Variants in SOS2 observed in about 807,000 individuals in gnomAD.
SOS2 encodes the protein son of sevenless homolog 2.
In SOS2, 65 loss-of-function variants were observed where a neutral mutation model predicts 148.2. The observed-to-expected ratio is 0.44, with a 90% CI of 0.36 to 0.54. The LOEUF (loss-of-function observed/expected upper bound fraction) is 0.54. Ranked by LOEUF, SOS2 falls within the 20% of genes least tolerant of loss-of-function variation. The pLI, the probability that SOS2 is intolerant of heterozygous loss-of-function variation, is 0.00. For synonymous variants in SOS2, 539 were observed against 537.1 expected, an observed-to-expected ratio of 1.00 and a Z score of -0.05; for missense variants, 1,341 against 1,590.2, an observed-to-expected ratio of 0.84 and a Z score of 2.67.
In SOS2 at chr14:50,199,784, A is replaced by G; in HGVS notation, c.417T>C (p.Ala139=). ...AATTACCAGCCAATTTTAAAATATC[A>G]GCTGAGATATACTCTAGTACAGCCA... is the stretch of plus-strand genomic sequence containing the variant. ...YIVAVLEYIS[A]DILKLAGNYV... Residue 139 remains alanine (A), a synonymous_variant, in exon 4 of 23, where the codon GCT becomes GCC. Coordinates refer to ENST00000216373, the MANE Select transcript of SOS2 (RefSeq NM_006939.4). 1.3e-6 allele frequency: 2 copies of G among 1,597,870 alleles called. No homozygotes were observed. The highest frequency in any genetic ancestry group is 1.7e-6 in the Non-Finnish European group (2 of 1,165,794).
At position 50,118,306 on chromosome 14, in the gene SOS2, A is replaced by C. The variant is rs1566814200; in HGVS notation, c.*38T>G. On this transcript the variant is annotated 3_prime_UTR_variant, in exon 23 of 23. Transcript: ENST00000216373. Reference sequence around the variant, plus strand: ...AATAAATTAAAAAAAAAACTTTACAAATACCATTCCAGTGTCAATGACTAC... The same window carrying C: ...AATAAATTAAAAAAAAAACTTTACACATACCATTCCAGTGTCAATGACTAC... 2 of 1,508,872 alleles carry C rather than the reference A, an allele frequency of 1.3e-6. No individual in the cohort carries two copies. The highest frequency in any genetic ancestry group is 1.8e-6 in the Non-Finnish European group (2 of 1,120,176). The allele number at this position is 1,508,872 out of a possible 1,614,324, so 93.5% of individuals were successfully genotyped here. A position where few individuals can be genotyped will look rare whatever the true frequency, so the allele number is the denominator to read the frequency against.
chr14:50,124,455 A>T (rs1219999526), intron 21 of SOS2, among the ~76,000 whole-genome samples: 1 of 152,232 alleles, frequency 6.6e-6, no homozygotes, highest in Non-Finnish European at 1.5e-5. Flanking sequence ...TCTTGTGCTT[A>T]GCAGGGTAAC....
chr14:50,231,271 G>T lies in SOS2; in HGVS notation c.13C>A (p.Pro5Thr). Residue 5 changes from proline (P) to threonine (T), a missense_variant, in exon 1 of 23, where the codon CCG becomes ACG. Pro to Thr is a conservative substitution (Grantham distance 38). This residue lies in a region of SOS2 where 574 missense variants were observed against 711.1 expected (regional missense o/e 0.81). Coordinates refer to ENST00000216373, the MANE Select transcript of SOS2 (RefSeq NM_006939.4). ...TCGCTGAAGAACTCGTAAGGCTGCG[G>T]CGCCTGCTGCATGGCCCCGGCGACA... MQQA[P>T]QPYEFFSEEN... is the part of the protein sequence containing the mutation. 1 of 1,472,214 alleles carries T rather than the reference G, an allele frequency of 6.8e-7. No individual in the cohort carries two copies. Among genetic ancestry groups the T allele is most frequent in the Non-Finnish European group, 9.1e-7 (1 of 1,097,222 alleles). The allele number at this position is 1,472,214 out of a possible 1,614,324, so 91.2% of individuals were successfully genotyped here.
At chr14:50,182,653 G>A in intron 5 of SOS2, 47 bp from the exon 6 acceptor site, 2 of 1,504,096 alleles carry the variant, frequency 1.3e-6, no homozygotes, top group South Asian at 1.1e-5. Context: ...TGAGAATTCT[G>A]CTAAAAAATT....
chr14:50,182,345 T>C (rs1459041577), intron 6 of SOS2, 118 bp downstream of exon 6: 2 of 887,314 alleles, frequency 2.3e-6, no homozygotes, highest in Non-Finnish European at 3.5e-6. Flanking sequence ...CATGCCTGGA[T>C]AATTATTTTA....
At chr14:50,209,290 T>TGTGTGC (rs1264247364) in intron 1 of SOS2, among the ~76,000 whole-genome samples, 1 of 148,640 alleles carries the variant, frequency 6.7e-6, no homozygotes, top group African/African-American at 2.5e-5. Flanking sequence ...TGTGTGTGTG[T>TGTGTGC]GTGTGTGTGT....
At chr14:50,145,395 A>G in intron 15 of SOS2, 63 bp from the exon 16 acceptor site, 1 of 1,562,626 alleles carries the variant, frequency 6.4e-7, no homozygotes, top group Non-Finnish European at 8.6e-7. Context: ...AAACAAGATA[A>G]TTATGAGTAG....
Position 50,160,426 on chromosome 14 carries a change from C to T in SOS2, c.1197-340G>A, listed in dbSNP as rs1419961445. On this transcript the variant is annotated intron_variant, in intron 9 of 22. Coordinates refer to ENST00000216373, the MANE Select transcript of SOS2 (RefSeq NM_006939.4). ...TTTTTTTTTTTTTGGAGCTCTTGTC[C>T]CCCAGGCTGGAATGCAATGGCACGA... Among the ~76,000 whole-genome samples, 58 of 112,312 alleles carry T rather than the reference C, an allele frequency of 5.2e-4. 2 individuals are homozygous for T. The highest frequency in any genetic ancestry group is 2.0e-3 in the African/African-American group (57 of 28,552). 73.7% of individuals were successfully genotyped at this position (112,312 alleles called of 152,430 possible). A position where few individuals can be genotyped will look rare whatever the true frequency, so the allele number is the denominator to read the frequency against.
At chr14:50,198,784 G>C (rs952366806) in intron 4 of SOS2, among the ~76,000 whole-genome samples, 1 of 152,126 alleles carries the variant, frequency 6.6e-6, no homozygotes, top group African/African-American at 2.4e-5. Context: ...TAATCATATT[G>C]TTCTGTAATT....
chr14:50,215,725 T>C (rs913829812), intron 1 of SOS2, among the ~76,000 whole-genome samples: 4 of 151,154 alleles, frequency 2.6e-5, no homozygotes, highest in Non-Finnish European at 4.4e-5. Context: ...TAAAGTATAA[T>C]AAAAAAAAAC....
At chr14:50,153,314 A>T (rs1884719353) in intron 12 of SOS2, 141 bp from the exon 13 acceptor site, 1 of 472,692 alleles carries the variant, frequency 2.1e-6, no homozygotes, top group Non-Finnish European at 3.9e-6. Context: ...TTTAATTAAT[A>T]CTTTAAATGC....
chr14:50,167,956 TA>T, intron 8 of SOS2, among the ~76,000 whole-genome samples: 1 of 151,948 alleles, frequency 6.6e-6, no homozygotes, highest in Non-Finnish European at 1.5e-5. Context: ...AAGTAAAAGG[TA>T]AAAAAATATT....
rs7147778 is a variant in SOS2, at chr14:50,138,440, C to T, written c.2958+172G>A. Among the ~76,000 whole-genome samples the T allele has an allele frequency of 0.86, 130,788 of 152,140 alleles. 56,339 individuals are homozygous for T. The highest frequency in any genetic ancestry group is 0.92 in the East Asian group (4,748 of 5,176). On this transcript the variant is annotated intron_variant, in intron 18 of 22. Transcript: ENST00000216373. ...CCTCCCAAAGTGCTGGGATTACAGG[C>T]GTGAGCCACAGTGCCTGGCCTCTTA...
chr14:50,146,750 A>C (rs2139582584), intron 14 of SOS2, among the ~76,000 whole-genome samples: 1 of 152,356 alleles, frequency 6.6e-6, no homozygotes, highest in East Asian at 1.9e-4. Context: ...CAGAGACTGG[A>C]TAAATTGTGG....
chr14:50,130,911 A>G (rs1883846460), intron 19 of SOS2, 149 bp from the exon 20 acceptor site: 1 of 592,782 alleles, frequency 1.7e-6, no homozygotes, highest in East Asian at 2.9e-5. Context: ...AGCCTGTATC[A>G]TTCTAGTAGA....
chr14:50,227,222 T>C (rs1280063717), intron 1 of SOS2, among the ~76,000 whole-genome samples: 1 of 150,924 alleles, frequency 6.6e-6, no homozygotes, highest in Non-Finnish European at 1.5e-5. Flanking sequence ...TGTCTATCTC[T>C]GTGTTTCTTT....
intron 4 of SOS2, among the ~76,000 whole-genome samples, chr14:50,192,839 G>A (rs181308872): frequency 1.3e-5 from 2 of 152,210 alleles, no homozygotes; most frequent in East Asian, 3.9e-4. Flanking sequence ...ACTCCAGCCT[G>A]GTTGAGAGAG....
chr14:50,216,528 G>C (rs1367086298), intron 1 of SOS2, among the ~76,000 whole-genome samples: 1 of 152,056 alleles, frequency 6.6e-6, no homozygotes, highest in Non-Finnish European at 1.5e-5. Context: ...GGAGGCCAAG[G>C]CAGGTAGATT....
chr14:50,224,478 C>G (rs1887304629), intron 1 of SOS2, among the ~76,000 whole-genome samples: 1 of 151,746 alleles, frequency 6.6e-6, no homozygotes, highest in Admixed American at 6.6e-5. Context: ...TCCCTGAAAG[C>G]TTGATATTCT....
Sources: allele counts gnomAD v4.1 joint callset (sites outside exome capture counted in the v4.1 genomes callset), GRCh38; gene constraint gnomAD v4.1.1; regional missense constraint gnomAD v4.1.1; transcripts MANE v1.5; gene names NCBI Gene and HGNC (gene_info 2026-07-23, HGNC 2026-07-21).